IRF4: variants seen among roughly 807,000 people sequenced by gnomAD.
The protein encoded by IRF4 is interferon regulatory factor 4.
In IRF4, 13 loss-of-function variants were observed where a neutral mutation model predicts 55.5. That is an observed-to-expected ratio of 0.23 (90% CI 0.15 to 0.37). The LOEUF is 0.37. Ranked by LOEUF, IRF4 falls within the 10% of genes least tolerant of loss-of-function variation. The pLI is 1.00. For missense variants in IRF4, 397 were observed against 593.8 expected (o/e 0.67, Z 3.44); for synonymous variants, 249 against 240.7 (o/e 1.03, Z -0.32).
rs1046369432 is a variant in IRF4, at chr6:410,517, T to C, written c.*2919T>C. On this transcript the variant is annotated 3_prime_UTR_variant, in exon 9 of 9. Coordinates refer to ENST00000380956, the MANE Select transcript of IRF4 (RefSeq NM_002460.4). ...GAAATGAGCAGCCCTTACAGTATTG[T>C]TACCACCAAGGGCAGGTAGGTATTA... is the stretch of plus-strand genomic sequence containing the variant. 4 of 228,546 alleles carry C rather than the reference T, an allele frequency of 1.8e-5. No homozygotes were observed. The Admixed American group carries it at 2.3e-4, about 13-fold the overall frequency. 14.2% of individuals were successfully genotyped at this position (228,546 alleles called of 1,614,324 possible).
At position 393,417 on chromosome 6, in the gene IRF4, A is replaced by G. The variant is rs114994511; in HGVS notation, c.216+49A>G. ...GGGGCGCGCCGGGGAGGGCCCAGAG[A>G]CAGAGCCCGGGGTCCCCGGCGCCGC... On this transcript the variant is annotated intron_variant, in intron 2 of 8. Coordinates refer to ENST00000380956, the MANE Select transcript of IRF4 (RefSeq NM_002460.4). The surrounding 1 kb of genome is among the most constrained non-coding windows in gnomAD (Gnocchi z 5.4). 1,536 of 1,021,916 alleles carry G rather than the reference A, an allele frequency of 1.5e-3. 10 individuals carry two copies. In the African/African-American group the frequency reaches 0.023, roughly 15 times the overall value. The allele number at this position is 1,021,916 out of a possible 1,614,324, so 63.3% of individuals were successfully genotyped here.
intron 7 of IRF4, among the ~76,000 whole-genome samples, chr6:402,555 C>G (rs1014191824): frequency 6.6e-6 from 1 of 152,228 alleles, no homozygotes; most frequent in African/African-American, 2.4e-5. Flanking sequence ...TCTTTGATTT[C>G]TCATGTGCCT....
chr6:392,681 AC>A (rs1259919507), intron 1 of IRF4, among the ~76,000 whole-genome samples: 1 of 124,116 alleles, frequency 8.1e-6, no homozygotes, highest in Non-Finnish European at 1.7e-5. Flanking sequence ...GTGGAAACTG[AC>A]AGAGTCGCGG....
In IRF4 at chr6:393,647, T is replaced by A. The variant is rs2127436353; in HGVS notation, c.216+279T>A. On this transcript the variant is annotated intron_variant, in intron 2 of 8. Transcript: ENST00000380956. This position sits in a 1 kb window ranked among gnomAD's most constrained non-coding sequence, Gnocchi z 5.4. ...GGCCCGGGGAAGGGCGGCCAAAGGC[T>A]TGAGGGGTTTTGCGCGTTCGTCCGT... Among the ~76,000 whole-genome samples, 1 of 151,314 alleles carries A rather than the reference T, an allele frequency of 6.6e-6. No individual in the cohort carries two copies. Among genetic ancestry groups the A allele is most frequent in the East Asian group, 2.0e-4 (1 of 5,036 alleles).
At chr6:396,033 C>A in intron 4 of IRF4, 98 bp downstream of exon 4, 1 of 927,144 alleles carries the variant, frequency 1.1e-6, no homozygotes, top group South Asian at 1.5e-5. Context: ...CAGAACTTGC[C>A]ATTTGCTATG....
At chr6:403,780 A>C (rs1046902480) in intron 7 of IRF4, among the ~76,000 whole-genome samples, 1 of 152,248 alleles carries the variant, frequency 6.6e-6, no homozygotes, top group Non-Finnish European at 1.5e-5. Context: ...CAGCTTCTGC[A>C]TAATTAAGGA....
rs1478250240 is a variant in IRF4, at chr6:393,529, A to AAAGGAGGC, written c.216+162_216+169dup. On this transcript the variant is annotated intron_variant, in intron 2 of 8. Transcript: ENST00000380956. The surrounding 1 kb of genome is among the most constrained non-coding windows in gnomAD (Gnocchi z 5.4). ...GCGTCGCCGGAGCCGCAGGAGGAGG[A>AAAGGAGGC]AAGGAGGCCTCGGCTCTCAGCGGGA... Among the ~76,000 whole-genome samples, 7 of 151,646 alleles carry AAAGGAGGC rather than the reference A, an allele frequency of 4.6e-5. No homozygotes were observed. Among genetic ancestry groups the AAAGGAGGC allele is most frequent in the South Asian group, 2.1e-4 (1 of 4,798 alleles).
chr6:401,535 A>G lies in IRF4; in HGVS notation c.857A>G (p.Asn286Ser). The G allele has an allele frequency of 6.2e-7, 1 of 1,614,070 alleles. No individual in the cohort carries two copies. The highest frequency in any genetic ancestry group is 8.5e-7 in the Non-Finnish European group (1 of 1,180,024). ...ISHGHTYDAS[N>S]LDQVLFPYPE... ...CATGGACATACGTATGACGCCAGCA[A>G]CCTGGACCAGGTCCTGTTCCCCTAC... Residue 286 changes from asparagine to serine, a missense_variant, in exon 7 of 9, where the codon AAC becomes AGC. Physicochemically the swap from Asn to Ser is conservative, Grantham distance 46 (BLOSUM62 1). Coordinates refer to ENST00000380956, the MANE Select transcript of IRF4 (RefSeq NM_002460.4).
At position 407,496 on chromosome 6, in the gene IRF4, A is replaced by G. The variant is rs116516064; in HGVS notation, c.1254A>G (p.Gln418=). ...CCAGACAACTATATTATTTTGCTCA[A>G]CAAAACAGTGGACATTTCCTGAGGG... is the stretch of plus-strand genomic sequence containing the variant. ...LLARQLYYFA[Q]QNSGHFLRGY... Residue 418 remains glutamine, a synonymous_variant, in exon 9 of 9, where the codon CAA becomes CAG. Coordinates refer to ENST00000380956, the MANE Select transcript of IRF4 (RefSeq NM_002460.4). 59 of 1,612,342 alleles carry G rather than the reference A, an allele frequency of 3.7e-5. No individual in the cohort carries two copies. In the East Asian group the frequency reaches 8.9e-4, roughly 24 times the overall value.
chr6:404,916 T>A, intron 7 of IRF4, 102 bp from the exon 8 acceptor site: 1 of 721,856 alleles, frequency 1.4e-6, no homozygotes. Flanking sequence ...TCATTCCTCT[T>A]GCAGTGTTCA....
rs1223935714 is a variant in IRF4 at position 393,923 on chromosome 6, T to G, written c.216+555T>G. Among the ~76,000 whole-genome samples, 1 of 152,178 alleles carries G rather than the reference T, an allele frequency of 6.6e-6. No individual in the cohort carries two copies. Among genetic ancestry groups the G allele is most frequent in the Non-Finnish European group, 1.5e-5 (1 of 68,010 alleles). ...GCGGGTACTCCCACCTCTGTCTTTC[T>G]CTTTGTGTGTCTCTGTCTCTCTCTT... On this transcript the variant is annotated intron_variant, in intron 2 of 8. Coordinates refer to ENST00000380956, the MANE Select transcript of IRF4 (RefSeq NM_002460.4). The surrounding 1 kb of genome is among the most constrained non-coding windows in gnomAD (Gnocchi z 5.4).
In IRF4 at chr6:408,581, C is replaced by A. The variant is rs117762046; in HGVS notation, c.*983C>A. On this transcript the variant is annotated 3_prime_UTR_variant, in exon 9 of 9. Coordinates refer to ENST00000380956, the MANE Select transcript of IRF4 (RefSeq NM_002460.4). Reference sequence around the variant, plus strand: ...TTTTGACCCTCATTCTTTAGAGATGCTAAAATTCTTCGCATAAAGAAGAAG... The same window carrying A: ...TTTTGACCCTCATTCTTTAGAGATGATAAAATTCTTCGCATAAAGAAGAAG... 241 of 229,906 alleles carry A rather than the reference C, an allele frequency of 1.0e-3. 1 individual carries two copies. In the East Asian group the frequency reaches 0.014, roughly 13 times the overall value. 14.2% of individuals were successfully genotyped at this position (229,906 alleles called of 1,614,324 possible).
chr6:393,446 C>G lies in IRF4; in HGVS notation c.216+78C>G. 9.1e-7 allele frequency: 1 copy of G among 1,103,990 alleles called. No individual in the cohort carries two copies. Among genetic ancestry groups the G allele is most frequent in the Non-Finnish European group, 1.2e-6 (1 of 827,250 alleles). The allele number at this position is 1,103,990 out of a possible 1,614,324, so 68.4% of individuals were successfully genotyped here. A position where few individuals can be genotyped will look rare whatever the true frequency, so the allele number is the denominator to read the frequency against. ...AGCCCGGGGTCCCCGGCGCCGCCTCCGAGGCGAGCCCAGGGGACCGCGCGG... is the reference window on the plus strand; with the variant it reads ...AGCCCGGGGTCCCCGGCGCCGCCTCGGAGGCGAGCCCAGGGGACCGCGCGG... On this transcript the variant is annotated intron_variant, in intron 2 of 8. Transcript: ENST00000380956. This position sits in a 1 kb window ranked among gnomAD's most constrained non-coding sequence, Gnocchi z 5.4.
At chr6:402,221 G>A (rs1761421970) in intron 7 of IRF4, among the ~76,000 whole-genome samples, 1 of 152,152 alleles carries the variant, frequency 6.6e-6, no homozygotes, top group Non-Finnish European at 1.5e-5. Flanking sequence ...GGACTGTACT[G>A]GTTTTGCACA....
At chr6:397,008 G>A (rs1353774520) in intron 4 of IRF4, 100 bp from the exon 5 acceptor site, 9 of 1,320,540 alleles carry the variant, frequency 6.8e-6, no homozygotes, top group South Asian at 1.4e-5. Flanking sequence ...CTTTACCCCC[G>A]TCTCGATGCC....
intron 6 of IRF4, among the ~76,000 whole-genome samples, chr6:400,416 A>T (rs1761366259): frequency 6.6e-6 from 1 of 152,212 alleles, no homozygotes; most frequent in Non-Finnish European, 1.5e-5. Flanking sequence ...TGAAATCAGC[A>T]AAACGTTTGT....
intron 7 of IRF4, among the ~76,000 whole-genome samples, chr6:402,059 A>G (rs181507796): frequency 2.1e-3 from 317 of 152,340 alleles, no homozygotes; most frequent in Middle Eastern, 6.8e-3. Flanking sequence ...TCATTGCACT[A>G]TGATCTCGAC....
chr6:393,188 C>G lies in IRF4; in HGVS notation c.36C>G (p.Phe12Leu), dbSNP rs546956488. 8 of 1,554,338 alleles carry G rather than the reference C, an allele frequency of 5.1e-6. No homozygotes were observed. The highest frequency in any genetic ancestry group is 6.1e-6 in the Non-Finnish European group (7 of 1,148,862). The change falls in exon 2 of 9, where the codon TTC becomes TTG. Residue 12 changes from phenylalanine (F) to leucine (L), a missense_variant. Around this residue, in one of 3 missense-constraint regions of IRF4, gnomAD observed 34 missense variants for 29.4 expected, o/e 1.16. Coordinates refer to ENST00000380956, the MANE Select transcript of IRF4 (RefSeq NM_002460.4). The surrounding 1 kb of genome is among the most constrained non-coding windows in gnomAD (Gnocchi z 5.4). ...AGGGCGGCGGCCGAGGCGGAGAGTT[C>G]GGCATGAGCGCGGTGAGCTGCGGCA... ...NLEGGGRGGE[F>L]GMSAVSCGNG...
intron 7 of IRF4, among the ~76,000 whole-genome samples, chr6:404,399 A>T (rs1000600432): frequency 4.6e-5 from 7 of 151,792 alleles, no homozygotes; most frequent in African/African-American, 1.5e-4. Flanking sequence ...TTACTGTTCC[A>T]TCCCTGGAGA....
Sources: allele counts gnomAD v4.1 joint callset (sites outside exome capture counted in the v4.1 genomes callset), GRCh38; gene constraint gnomAD v4.1.1; regional missense constraint gnomAD v4.1.1; non-coding constraint Gnocchi (gnomAD v3.1); transcripts MANE v1.5; gene names NCBI Gene and HGNC (gene_info 2026-07-23, HGNC 2026-07-21).